Variants in RALGPS1 observed in about 807,000 individuals in gnomAD.
RALGPS1 encodes the protein Ral GEF with PH domain and SH3 binding motif 1.
A neutral mutation model predicts 78.8 loss-of-function variants in RALGPS1; 19 were observed. That is an observed-to-expected ratio of 0.24 (90% CI 0.17 to 0.35). The LOEUF (loss-of-function observed/expected upper bound fraction) is 0.35, where lower values mean the gene tolerates loss of function less well. Among genes scored for constraint, RALGPS1 ranks in the 10% least tolerant of loss-of-function variants. The pLI, the probability that RALGPS1 is intolerant of heterozygous loss-of-function variation, is 1.00. For missense variants in RALGPS1, 454 were observed against 688.3 expected, an observed-to-expected ratio of 0.66 and a Z score of 3.81; for synonymous variants, 228 against 256.3, an observed-to-expected ratio of 0.89 and a Z score of 1.06.
chr9:127,165,966 A>G, intron 8 of RALGPS1, 103 bp from the exon 9 acceptor site: 5 of 1,415,672 alleles, frequency 3.5e-6, no homozygotes, highest in Non-Finnish European at 4.6e-6. Context: ...AGTTTTCCAT[A>G]AGTCACCCTT....
At chr9:127,155,304 A>G (rs1308178100) in intron 8 of RALGPS1, among the ~76,000 whole-genome samples, 3 of 152,216 alleles carry the variant, frequency 2.0e-5, no homozygotes, top group African/African-American at 7.2e-5. Context: ...GCAGAGATGG[A>G]TAAGGCACAG....
chr9:127,000,819 G>A lies in RALGPS1; in HGVS notation c.216+23074G>A, dbSNP rs987441652. Among the ~76,000 whole-genome samples the A allele has an allele frequency of 2.0e-4, 31 of 151,432 alleles. No individual in the cohort carries two copies. In the East Asian group the frequency reaches 4.7e-3, roughly 23 times the overall value. On this transcript the variant is annotated intron_variant, in intron 4 of 18. Coordinates refer to ENST00000259351, the MANE Select transcript of RALGPS1 (RefSeq NM_014636.3). ...TCCACCTGCCTCAGCCTCCCAAAGC[G>A]CTGGGATTATAGGTGTGAGCCACCG...
chr9:127,041,872 C>T (rs2047350147), intron 5 of RALGPS1, among the ~76,000 whole-genome samples: 1 of 152,122 alleles, frequency 6.6e-6, no homozygotes, highest in Admixed American at 6.5e-5. Flanking sequence ...GGCAGTTGGC[C>T]TCCTCCTAAT....
intron 11 of RALGPS1, chr9:127,178,368 C>A: frequency 1.4e-6 from 1 of 730,146 alleles, no homozygotes; most frequent in Non-Finnish European, 1.8e-6. Flanking sequence ...GACTACTCAG[C>A]ATACTGCCAA....
rs150928982 is a variant in RALGPS1 at position 127,128,676 on chromosome 9, C to T, written c.611-37393C>T. 1.1e-3 allele frequency among the ~76,000 whole-genome samples: 175 copies of T among 152,304 alleles called. 3 individuals are homozygous for T. The East Asian group carries it at 0.028, about 24-fold the overall frequency. On this transcript the variant is annotated intron_variant, in intron 8 of 18. Transcript: ENST00000259351. ...AGACTGAGTGTGAGCCAGCTGGTCC[C>T]CTCCTCTCTTGAAGGCGCGTGGTCA... is the stretch of plus-strand genomic sequence containing the variant.
chr9:126,932,354 T>G (rs1202815306), intron 1 of RALGPS1, among the ~76,000 whole-genome samples: 1 of 152,192 alleles, frequency 6.6e-6, no homozygotes, highest in Non-Finnish European at 1.5e-5. Flanking sequence ...AACATATACA[T>G]ACCTTATGAC....
chr9:127,138,302 C>T (rs542176763), intron 8 of RALGPS1, among the ~76,000 whole-genome samples: 6 of 152,152 alleles, frequency 3.9e-5, no homozygotes, highest in Non-Finnish European at 7.3e-5. Flanking sequence ...GCAATTTGTC[C>T]GTGGCTGCAT....
chr9:127,005,510 C>A (rs566569859), intron 4 of RALGPS1, among the ~76,000 whole-genome samples: 1 of 152,306 alleles, frequency 6.6e-6, no homozygotes, highest in South Asian at 2.1e-4. Context: ...GTCTTGAAAG[C>A]CTGCTTTGAC....
At chr9:126,970,068 T>G (rs548287776) in intron 3 of RALGPS1, among the ~76,000 whole-genome samples, 223 of 152,242 alleles carry the variant, frequency 1.5e-3, no homozygotes, top group Non-Finnish European at 2.5e-3. Context: ...AAAGAATTAT[T>G]TGAGTGATTC....
chr9:126,989,330 G>A (rs1352776117), intron 4 of RALGPS1, among the ~76,000 whole-genome samples: 1 of 152,194 alleles, frequency 6.6e-6, no homozygotes, highest in African/African-American at 2.4e-5. Flanking sequence ...TTAGTGAAGT[G>A]TGTAGAGATG....
At chr9:127,021,366 A>G (rs1326898719) in intron 4 of RALGPS1, among the ~76,000 whole-genome samples, 2 of 151,918 alleles carry the variant, frequency 1.3e-5, no homozygotes, top group Non-Finnish European at 2.9e-5. Flanking sequence ...AGCCGGGCAT[A>G]TTGGTGCACC....
chr9:127,112,079 C>G (rs1366148708), intron 8 of RALGPS1, among the ~76,000 whole-genome samples: 1 of 152,202 alleles, frequency 6.6e-6, no homozygotes, highest in East Asian at 1.9e-4. Context: ...AGACCCTGTG[C>G]TCCCTGGGGC....
chr9:127,051,305 A>G (rs1299856809), intron 6 of RALGPS1, among the ~76,000 whole-genome samples: 1 of 152,188 alleles, frequency 6.6e-6, no homozygotes, highest in Non-Finnish European at 1.5e-5. Context: ...CCACCCATGG[A>G]ATTCAAAATG....
intron 4 of RALGPS1, among the ~76,000 whole-genome samples, chr9:127,010,434 C>G (rs962040284): frequency 6.6e-6 from 1 of 152,196 alleles, no homozygotes; most frequent in Non-Finnish European, 1.5e-5. Context: ...TTCAAAATGA[C>G]TGCCTGGATT....
At chr9:127,022,831 C>G (rs1437311375) in intron 4 of RALGPS1, among the ~76,000 whole-genome samples, 2 of 152,192 alleles carry the variant, frequency 1.3e-5, no homozygotes, top group Non-Finnish European at 2.9e-5. Context: ...AATATTCCTA[C>G]CTTCATCCTC....
At chr9:127,009,400 C>G (rs2044149772) in intron 4 of RALGPS1, among the ~76,000 whole-genome samples, 1 of 152,210 alleles carries the variant, frequency 6.6e-6, no homozygotes, top group Admixed American at 6.5e-5. Context: ...CACACATCCT[C>G]CAATCCATCA....
intron 8 of RALGPS1, among the ~76,000 whole-genome samples, chr9:127,100,463 T>G (rs1208348448): frequency 6.6e-6 from 1 of 152,170 alleles, no homozygotes; most frequent in Admixed American, 6.5e-5. Context: ...CCAGCGCTGT[T>G]GGGCAGGAGG....
chr9:127,156,389 T>C (rs927874182), intron 8 of RALGPS1, among the ~76,000 whole-genome samples: 12 of 152,192 alleles, frequency 7.9e-5, no homozygotes, highest in African/African-American at 2.7e-4. Flanking sequence ...TATCAATTTA[T>C]GCTGTAGTCA....
intron 1 of RALGPS1, among the ~76,000 whole-genome samples, chr9:126,932,536 G>GTA (rs2035886275): frequency 6.6e-6 from 1 of 152,106 alleles, no homozygotes; most frequent in Admixed American, 6.6e-5. Context: ...AATACACGTG[G>GTA]TACACTCCCA....
Sources: gnomAD v4.1 joint callset for allele counts (sites outside exome capture counted in the v4.1 genomes callset) on GRCh38, gnomAD v4.1.1 for gene constraint, MANE v1.5 for transcripts, NCBI Gene and HGNC (gene_info 2026-07-23, HGNC 2026-07-21) for gene names.